Variants in SLC13A5 observed in about 807,000 individuals in gnomAD.
The protein encoded by SLC13A5 is Na(+)/citrate cotransporter.
Under a neutral mutation model 56.5 loss-of-function variants are expected in SLC13A5, and 25 were observed. That is an observed-to-expected ratio of 0.44 (90% CI 0.32 to 0.62). The LOEUF (loss-of-function observed/expected upper bound fraction) is 0.62, where lower values mean the gene tolerates loss of function less well. Ranked by LOEUF, SLC13A5 falls within the 20% of genes least tolerant of loss-of-function variation. The probability of loss-of-function intolerance (pLI) is 0.04; values close to 1 mark genes in which losing one functional copy is unlikely to be tolerated. For synonymous variants in SLC13A5, 307 were observed against 301.5 expected (o/e 1.02, Z -0.19); for missense variants, 649 against 737.8 (o/e 0.88, Z 1.39).
chr17:6,697,870 T>A (rs1263596275), intron 6 of SLC13A5, among the ~76,000 whole-genome samples: 2 of 152,174 alleles, frequency 1.3e-5, no homozygotes, highest in Non-Finnish European at 2.9e-5. Context: ...TTGTTCTGGA[T>A]TAGGCTAGAG....
At chr17:6,712,380 C>T (rs538490877) in intron 1 of SLC13A5, among the ~76,000 whole-genome samples, 12 of 152,364 alleles carry the variant, frequency 7.9e-5, no homozygotes, top group East Asian at 3.9e-4. Context: ...CTTGGGCCTC[C>T]GCCAAACTGG....
rs143525890 is a variant in SLC13A5 at position 6,687,410 on chromosome 17, T to C, written c.1575+119A>G. 1,721 of 1,375,306 alleles carry C rather than the reference T, an allele frequency of 1.3e-3. 37 individuals are homozygous for C. In the East Asian group the frequency reaches 0.037, roughly 30 times the overall value. The allele number at this position is 1,375,306 out of a possible 1,614,324, so 85.2% of individuals were successfully genotyped here. On this transcript the variant is annotated intron_variant, in intron 11 of 11. Coordinates refer to ENST00000433363, the MANE Select transcript of SLC13A5 (RefSeq NM_177550.5). This position sits in a 1 kb window ranked among gnomAD's most constrained non-coding sequence, Gnocchi z 5.0. ...TCAACAATGGCTACAGGTCTGGATG[T>C]TCCGTGGCATTCCCAAGTCACATGA...
At position 6,687,550 on chromosome 17, in the gene SLC13A5, C is replaced by T; in HGVS notation, c.1554G>A (p.Gly518=). Residue 518 remains glycine, a synonymous_variant, in exon 11 of 12, where the codon GGG becomes GGA. Coordinates refer to ENST00000433363, the MANE Select transcript of SLC13A5 (RefSeq NM_177550.5). The surrounding 1 kb of genome is among the most constrained non-coding windows in gnomAD (Gnocchi z 5.0). ...TTACCATGTCAGCAACCTTGAGGTG[C>T]CCATAGGTGAACACGATGGCATTTG... The part of the protein sequence containing the change: ...TPPNAIVFTY[G]HLKVADMVKT... The T allele has an allele frequency of 1.2e-6, 2 of 1,613,414 alleles. No homozygotes were observed. Among genetic ancestry groups the T allele is most frequent in the Non-Finnish European group, 1.7e-6 (2 of 1,179,824 alleles).
rs762062274 is a variant in SLC13A5 at position 6,706,693 on chromosome 17, T to G, written c.317A>C (p.His106Pro). The change falls in exon 3 of 12, where the codon CAC becomes CCC. Residue 106 changes from histidine to proline, a missense_variant. His to Pro is a moderately conservative substitution (Grantham distance 77, BLOSUM62 -2). Coordinates refer to ENST00000433363, the MANE Select transcript of SLC13A5 (RefSeq NM_177550.5). ...VAVAVERWNL[H>P]KRIALRTLLW... Reference sequence around the variant, plus strand: ...GAGCGTGCGCAGGGCGATCCTCTTGTGCAGGTTCCAGCGCTCCACAGCCAC... The same window carrying G: ...GAGCGTGCGCAGGGCGATCCTCTTGGGCAGGTTCCAGCGCTCCACAGCCAC... The G allele has an allele frequency of 6.2e-7, 1 of 1,613,864 alleles. No homozygotes were observed. Among genetic ancestry groups the G allele is most frequent in the Non-Finnish European group, 8.5e-7 (1 of 1,179,984 alleles).
intron 6 of SLC13A5, among the ~76,000 whole-genome samples, chr17:6,698,745 A>T (rs1024982056): frequency 6.6e-6 from 1 of 152,336 alleles, no homozygotes; most frequent in East Asian, 1.9e-4. Flanking sequence ...AATTAAGTTT[A>T]AGAGTGCTTG....
intron 6 of SLC13A5, among the ~76,000 whole-genome samples, chr17:6,697,928 T>C (rs879445819): frequency 6.6e-6 from 1 of 152,184 alleles, no homozygotes; most frequent in Admixed American, 6.5e-5. Context: ...TGAGGAACTC[T>C]AGTGAGAGCA....
At chr17:6,707,976 TTGTG>T (rs201736277) in intron 1 of SLC13A5, among the ~76,000 whole-genome samples, 2 of 130,344 alleles carry the variant, frequency 1.5e-5, no homozygotes, top group African/African-American at 3.1e-5. Flanking sequence ...TCAGTATTTT[TTGTG>T]TGTGTGTGTG....
In SLC13A5 at chr17:6,690,781, T is replaced by C; in HGVS notation, c.1435A>G (p.Met479Val). ...TTLFLPIFAS[M>V]SRSIGLNPLY... Reference sequence around the variant, plus strand: ...CTCCCCACTGTCAGGTTACTTACCATGGAGGCAAAGATGGGCAGGAACAAG... The same window carrying C: ...CTCCCCACTGTCAGGTTACTTACCACGGAGGCAAAGATGGGCAGGAACAAG... Residue 479 changes from methionine (M) to valine (V), a missense_variant and splice_region_variant, in exon 10 of 12, where the codon ATG becomes GTG. Met to Val is a conservative substitution (Grantham distance 21). Coordinates refer to ENST00000433363, the MANE Select transcript of SLC13A5 (RefSeq NM_177550.5). The C allele has an allele frequency of 6.2e-7, 1 of 1,614,182 alleles. No homozygotes were observed. Among genetic ancestry groups the C allele is most frequent in the Admixed American group, 1.7e-5 (1 of 60,022 alleles).
chr17:6,696,003 T>A, intron 6 of SLC13A5, 62 bp from the exon 7 acceptor site: 1 of 1,479,316 alleles, frequency 6.8e-7, no homozygotes, highest in Non-Finnish European at 9.4e-7. Flanking sequence ...GCTGGTCAGA[T>A]GGAGCCTAAA....
At chr17:6,706,888 G>A (rs544668100) in intron 2 of SLC13A5, 110 bp from the exon 3 acceptor site, 11 of 1,559,396 alleles carry the variant, frequency 7.1e-6, no homozygotes, top group Middle Eastern at 1.7e-4. Flanking sequence ...ATGCAGGCTC[G>A]AGTGGTGTCT....
Position 6,685,353 on chromosome 17 carries a change from G to T in SLC13A5, c.*854C>A, listed in dbSNP as rs1288567402. The T allele has an allele frequency of 6.6e-6, 1 of 152,232 alleles. No homozygotes were observed. The highest frequency in any genetic ancestry group is 1.5e-5 in the Non-Finnish European group (1 of 68,068). 9.4% of individuals were successfully genotyped at this position (152,232 alleles called of 1,614,324 possible). On this transcript the variant is annotated 3_prime_UTR_variant, in exon 12 of 12. Transcript: ENST00000433363. The surrounding 1 kb of genome is among the most constrained non-coding windows in gnomAD (Gnocchi z 4.2). Reference sequence around the variant, plus strand: ...TAGCTATTTGGGGATGGCAGGGGAAGCATCTCCCAGAAAAGATGACCTGCC... The same window carrying T: ...TAGCTATTTGGGGATGGCAGGGGAATCATCTCCCAGAAAAGATGACCTGCC...
intron 8 of SLC13A5, 81 bp downstream of exon 8, chr17:6,694,016 A>G: frequency 1.2e-6 from 1 of 856,604 alleles, no homozygotes; most frequent in Non-Finnish European, 1.8e-6. Flanking sequence ...TTCTCCCTCT[A>G]GGGCCCAAGG....
intron 6 of SLC13A5, 41 bp downstream of exon 6, chr17:6,700,963 C>T: frequency 1.2e-6 from 2 of 1,611,598 alleles, no homozygotes; most frequent in Non-Finnish European, 1.7e-6. Flanking sequence ...AGCTTTGAGG[C>T]ATAATTAGGC....
chr17:6,698,319 G>C (rs1338673809), intron 6 of SLC13A5, among the ~76,000 whole-genome samples: 1 of 152,196 alleles, frequency 6.6e-6, no homozygotes, highest in Non-Finnish European at 1.5e-5. Context: ...GCTGATGAAG[G>C]CCGTGCCAGG....
chr17:6,705,748 A>G (rs1409362474), intron 3 of SLC13A5, among the ~76,000 whole-genome samples: 1 of 152,164 alleles, frequency 6.6e-6, no homozygotes, highest in Non-Finnish European at 1.5e-5. Flanking sequence ...AATTTACCGT[A>G]AACTGACCAG....
At chr17:6,690,979 A>T in intron 9 of SLC13A5, 39 bp from the exon 10 acceptor site, 1 of 1,567,334 alleles carries the variant, frequency 6.4e-7, no homozygotes, top group Non-Finnish European at 8.7e-7. Context: ...CAGCGCTCCC[A>T]GCTTGCAGTT....
At chr17:6,700,098 C>G (rs1973669514) in intron 6 of SLC13A5, among the ~76,000 whole-genome samples, 1 of 152,206 alleles carries the variant, frequency 6.6e-6, no homozygotes, top group Non-Finnish European at 1.5e-5. Context: ...GATGGAGGCA[C>G]AGAGCACAGG....
chr17:6,690,496 C>T (rs1439727113), intron 10 of SLC13A5, among the ~76,000 whole-genome samples: 2 of 152,164 alleles, frequency 1.3e-5, no homozygotes, highest in African/African-American at 4.8e-5. Flanking sequence ...TCCTGTCTCC[C>T]CAGCTTGAAA....
intron 10 of SLC13A5, among the ~76,000 whole-genome samples, chr17:6,690,422 C>T (rs1973375471): frequency 1.3e-5 from 2 of 152,224 alleles, no homozygotes; most frequent in Non-Finnish European, 2.9e-5. Context: ...GTCTGCAGTC[C>T]TCCTGCACAC....
Sources: allele counts gnomAD v4.1 joint callset (sites outside exome capture counted in the v4.1 genomes callset), GRCh38; gene constraint gnomAD v4.1.1; non-coding constraint Gnocchi (gnomAD v3.1); transcripts MANE v1.5; gene names NCBI Gene and HGNC (gene_info 2026-07-23, HGNC 2026-07-21).